The following NDUFS4 variants were observed in gnomAD, a reference collection of about 807,000 sequenced individuals.
The protein encoded by NDUFS4 is NADH dehydrogenase [ubiquinone] iron-sulfur protein 4, mitochondrial.
NDUFS4 carries 28 observed loss-of-function variants against 24.3 expected under a neutral mutation model. That is an observed-to-expected ratio of 1.15 (90% confidence interval 0.85 to 1.58). The LOEUF (loss-of-function observed/expected upper bound fraction) is 1.58. Among genes scored for constraint, NDUFS4 ranks in the 40% most tolerant of loss-of-function variants. NDUFS4 has a pLI of 0.00. For missense variants in NDUFS4, 223 were observed against 207.9 expected, an observed-to-expected ratio of 1.07 and a Z score of -0.45; for synonymous variants, 93 against 69.7, an observed-to-expected ratio of 1.34 and a Z score of -1.67.
intron 1 of NDUFS4, among the ~76,000 whole-genome samples, chr5:53,579,587 G>T (rs1749493088): frequency 1.3e-5 from 2 of 152,174 alleles, no homozygotes; most frequent in South Asian, 4.1e-4. Flanking sequence ...GTGGTGTCAT[G>T]TGCCTGTAGT....
intron 4 of NDUFS4, among the ~76,000 whole-genome samples, chr5:53,661,557 T>C (rs1479598850): frequency 6.6e-6 from 1 of 152,210 alleles, no homozygotes; most frequent in Non-Finnish European, 1.5e-5. Flanking sequence ...GGTAGCTTGA[T>C]GGGAATGGCA....
At chr5:53,662,336 G>T (rs2112527128) in intron 4 of NDUFS4, among the ~76,000 whole-genome samples, 1 of 152,304 alleles carries the variant, frequency 6.6e-6, no homozygotes, top group East Asian at 1.9e-4. Context: ...GCATCCCAGG[G>T]ATGAAGCCCA....
intron 1 of NDUFS4, among the ~76,000 whole-genome samples, chr5:53,577,864 A>G (rs186574113): frequency 1.6e-4 from 24 of 152,338 alleles, no homozygotes; most frequent in Admixed American, 1.6e-3. Context: ...GGGATTGTGT[A>G]TAACATCCCA....
intron 2 of NDUFS4, among the ~76,000 whole-genome samples, chr5:53,645,116 T>C (rs750749149): frequency 4.6e-5 from 7 of 152,176 alleles, no homozygotes; most frequent in Non-Finnish European, 1.0e-4. Flanking sequence ...ACAAATTTGG[T>C]ATAATCATTT....
intron 3 of NDUFS4, among the ~76,000 whole-genome samples, chr5:53,653,424 A>C (rs1317369760): frequency 2.0e-5 from 3 of 152,178 alleles, no homozygotes; most frequent in Admixed American, 6.5e-5. Context: ...CTGTTCTAAC[A>C]CATTGCCAAA....
intron 4 of NDUFS4, among the ~76,000 whole-genome samples, chr5:53,672,273 C>T (rs1381384955): frequency 6.6e-6 from 1 of 151,658 alleles, no homozygotes; most frequent in East Asian, 1.9e-4. Context: ...AGAATCATGA[C>T]TTTCATATAG....
rs1259469698 is a variant in NDUFS4 at position 53,683,099 on chromosome 5, C to T, written c.425-19C>T. The T allele has an allele frequency of 1.3e-6, 2 of 1,500,264 alleles. No individual in the cohort carries two copies. Among genetic ancestry groups the T allele is most frequent in the Non-Finnish European group, 1.9e-6 (2 of 1,076,924 alleles). The allele number at this position is 1,500,264 out of a possible 1,614,324, so 92.9% of individuals were successfully genotyped here. ...TTTAATTCTGTTTCTGTGGATTTGT[C>T]TTTGTTTTTTCCTCCTAGGATGGAG... is the stretch of plus-strand genomic sequence containing the variant. On this transcript the variant is annotated intron_variant, in intron 4 of 4. Transcript: ENST00000296684.
At chr5:53,659,467 A>C (rs1752266278) in intron 4 of NDUFS4, among the ~76,000 whole-genome samples, 1 of 152,154 alleles carries the variant, frequency 6.6e-6, no homozygotes, top group East Asian at 1.9e-4. Flanking sequence ...TACATAATAG[A>C]TGTTCTGCTT....
intron 4 of NDUFS4, among the ~76,000 whole-genome samples, chr5:53,662,718 C>T (rs1309021371): frequency 6.6e-6 from 1 of 151,956 alleles, no homozygotes; most frequent in South Asian, 2.1e-4. Context: ...CCTGGTTTAG[C>T]CTTGGGAGGG....
intron 1 of NDUFS4, among the ~76,000 whole-genome samples, chr5:53,563,532 G>A (rs568702172): frequency 4.0e-5 from 6 of 149,266 alleles, no homozygotes; most frequent in South Asian, 2.1e-4. Flanking sequence ...ATGTAGTTTC[G>A]CTCTTGTCAC....
intron 1 of NDUFS4, among the ~76,000 whole-genome samples, chr5:53,583,486 C>T (rs2112431186): frequency 6.6e-6 from 1 of 152,204 alleles, no homozygotes; most frequent in South Asian, 2.1e-4. Context: ...TAATAAATAG[C>T]TGTATAGCTA....
intron 2 of NDUFS4, among the ~76,000 whole-genome samples, chr5:53,615,306 AGAG>A (rs1292977461): frequency 6.6e-6 from 1 of 152,012 alleles, no homozygotes; most frequent in Non-Finnish European, 1.5e-5. Flanking sequence ...AGGTAGGGTG[AGAG>A]GAGGTAAAGA....
rs187280789 is a variant in NDUFS4 at position 53,615,837 on chromosome 5, G to T, written c.177+12307G>T. ...ATAGGATACAGAAATATACCAAAAT[G>T]TTGGGCTGAGAATGCTAACTTAAAG... On this transcript the variant is annotated intron_variant, in intron 2 of 4. Coordinates refer to ENST00000296684, the MANE Select transcript of NDUFS4 (RefSeq NM_002495.4). 1.6e-3 allele frequency among the ~76,000 whole-genome samples: 250 copies of T among 152,206 alleles called. 1 individual carries two copies. Among genetic ancestry groups the T allele is most frequent in the African/African-American group, 5.5e-3 (229 of 41,560 alleles).
At chr5:53,615,531 AT>A (rs748515010) in intron 2 of NDUFS4, among the ~76,000 whole-genome samples, 6 of 151,990 alleles carry the variant, frequency 3.9e-5, no homozygotes, top group Non-Finnish European at 7.4e-5. Flanking sequence ...AGCATGTGAG[AT>A]ATTCATGTTT....
At chr5:53,662,629 C>T (rs1056240365) in intron 4 of NDUFS4, among the ~76,000 whole-genome samples, 1 of 151,862 alleles carries the variant, frequency 6.6e-6, no homozygotes, top group African/African-American at 2.4e-5. Flanking sequence ...TGGTCCTGGA[C>T]TTTTTTTGGT....
chr5:53,597,974 T>C (rs149632693), intron 1 of NDUFS4, among the ~76,000 whole-genome samples: 4 of 152,310 alleles, frequency 2.6e-5, no homozygotes, highest in South Asian at 2.1e-4. Context: ...AAAGAAGATA[T>C]ACAGATGACT....
chr5:53,614,802 T>C (rs1458498025), intron 2 of NDUFS4, among the ~76,000 whole-genome samples: 1 of 152,004 alleles, frequency 6.6e-6, no homozygotes, highest in Non-Finnish European at 1.5e-5. Context: ...TTCAAGAATT[T>C]AAAATTCTTG....
chr5:53,616,076 G>A (rs766294445), intron 2 of NDUFS4, among the ~76,000 whole-genome samples: 17 of 151,846 alleles, frequency 1.1e-4, no homozygotes, highest in Non-Finnish European at 1.2e-4. Context: ...CTGTGCCTAG[G>A]TTGCTCTGAG....
At chr5:53,579,789 G>A (rs72750158) in intron 1 of NDUFS4, among the ~76,000 whole-genome samples, 25,097 of 152,188 alleles carry the variant, frequency 0.16, 2,310 homozygotes, top group Non-Finnish European at 0.21. Context: ...GATTACCCTG[G>A]TGGGCCTGAT....
Sources: gnomAD v4.1 joint callset for allele counts (sites outside exome capture counted in the v4.1 genomes callset) on GRCh38, gnomAD v4.1.1 for gene constraint, MANE v1.5 for transcripts, NCBI Gene and HGNC (gene_info 2026-07-23, HGNC 2026-07-21) for gene names.